The following NXPH1 variants were observed in gnomAD, a reference collection of about 807,000 sequenced individuals.
NXPH1 encodes neurexophilin 1.
A neutral mutation model predicts 23.7 loss-of-function variants in NXPH1; 5 were observed. The observed-to-expected ratio is 0.21, with a 90% CI of 0.11 to 0.44. The LOEUF (loss-of-function observed/expected upper bound fraction) is 0.44, where lower values mean the gene tolerates loss of function less well. Among genes scored for constraint, NXPH1 ranks in the 20% least tolerant of loss-of-function variants. NXPH1 has a pLI of 0.99. For missense variants in NXPH1, 324 were observed against 321.6 expected (o/e 1.01, Z -0.06); for synonymous variants, 144 against 122.2 (o/e 1.18, Z -1.18).
chr7:8,698,490 A>T (rs1456428223), intron 2 of NXPH1, among the ~76,000 whole-genome samples: 1 of 152,138 alleles, frequency 6.6e-6, no homozygotes, highest in Non-Finnish European at 1.5e-5. Flanking sequence ...CTGTGTTTGT[A>T]ATTGCTATCT....
chr7:8,461,562 G>A (rs1331989468), intron 2 of NXPH1, among the ~76,000 whole-genome samples: 1 of 152,004 alleles, frequency 6.6e-6, no homozygotes, highest in African/African-American at 2.4e-5. Context: ...CGGGCGCGGT[G>A]GCTCACGCCT....
intron 2 of NXPH1, among the ~76,000 whole-genome samples, chr7:8,668,256 G>GTTTTTTTTTTTTTTTTTTTTTGT (rs75899225): frequency 1.3e-5 from 1 of 79,898 alleles, no homozygotes. Context: ...ATGTCTCTTT[G>GTTTTTTTTTTTTTTTTTTTTTGT]TTTTTTTTTT....
intron 2 of NXPH1, among the ~76,000 whole-genome samples, chr7:8,538,297 C>T (rs1331215241): frequency 2.6e-5 from 4 of 151,884 alleles, no homozygotes; most frequent in Non-Finnish European, 4.4e-5. Context: ...CATTTTTCTT[C>T]TAGGCCCCTT....
intron 2 of NXPH1, among the ~76,000 whole-genome samples, chr7:8,564,620 G>A (rs938134507): frequency 6.6e-6 from 1 of 151,842 alleles, no homozygotes. Context: ...AATGGGAAGA[G>A]AAAATCAAGA....
intron 2 of NXPH1, among the ~76,000 whole-genome samples, chr7:8,544,102 A>T (rs1359453216): frequency 1.3e-5 from 2 of 151,636 alleles, no homozygotes; most frequent in African/African-American, 4.8e-5. Flanking sequence ...CTTACCAAGA[A>T]ATTTGCCCGG....
At chr7:8,603,000 G>C (rs576513591) in intron 2 of NXPH1, among the ~76,000 whole-genome samples, 1 of 152,056 alleles carries the variant, frequency 6.6e-6, no homozygotes, top group African/African-American at 2.4e-5. Flanking sequence ...TAGTAGAGAC[G>C]GGGTTTTACC....
chr7:8,708,020 A>G (rs1562460827), intron 2 of NXPH1, among the ~76,000 whole-genome samples: 1 of 152,122 alleles, frequency 6.6e-6, no homozygotes, highest in Non-Finnish European at 1.5e-5. Flanking sequence ...TTTAATATGC[A>G]CTCATATATA....
intron 2 of NXPH1, among the ~76,000 whole-genome samples, chr7:8,541,598 G>A (rs1818118078): frequency 6.6e-6 from 1 of 151,566 alleles, no homozygotes; most frequent in South Asian, 2.1e-4. Flanking sequence ...TGCCACATGG[G>A]TAAATAAAGA....
rs543987139 is a variant in NXPH1 at position 8,466,224 on chromosome 7, G to A, written c.54+30457G>A. ...TATTATCAGGAAGTTTGTTGAATGA[G>A]CTTTTGAATTTGCTTTGTTAAATCT... On this transcript the variant is annotated intron_variant, in intron 2 of 2. Coordinates refer to ENST00000405863, the MANE Select transcript of NXPH1 (RefSeq NM_152745.3). 2.4e-4 allele frequency among the ~76,000 whole-genome samples: 36 copies of A among 152,284 alleles called. No individual in the cohort carries two copies. The South Asian group carries it at 7.2e-3, about 31-fold the overall frequency.
intron 2 of NXPH1, among the ~76,000 whole-genome samples, chr7:8,738,831 G>A (rs1780309157): frequency 6.6e-6 from 1 of 152,162 alleles, no homozygotes; most frequent in African/African-American, 2.4e-5. Flanking sequence ...CCAGGGAGAA[G>A]GAATCTAGAG....
At chr7:8,650,657 C>G (rs1192372829) in intron 2 of NXPH1, among the ~76,000 whole-genome samples, 3 of 152,208 alleles carry the variant, frequency 2.0e-5, no homozygotes, top group Non-Finnish European at 4.4e-5. Flanking sequence ...CATGTGGCCT[C>G]TTGCTCAGTC....
chr7:8,724,403 C>G (rs1780016636), intron 2 of NXPH1, among the ~76,000 whole-genome samples: 1 of 152,198 alleles, frequency 6.6e-6, no homozygotes, highest in South Asian at 2.1e-4. Context: ...AGAGGAAAGT[C>G]TTCCCCAACG....
intron 2 of NXPH1, among the ~76,000 whole-genome samples, chr7:8,627,831 T>C (rs1459165200): frequency 6.6e-6 from 1 of 151,942 alleles, no homozygotes; most frequent in African/African-American, 2.4e-5. Context: ...ATTTCATCCA[T>C]AAAAGAAAGC....
intron 2 of NXPH1, among the ~76,000 whole-genome samples, chr7:8,735,746 A>G (rs1001794848): frequency 2.6e-5 from 4 of 152,092 alleles, no homozygotes; most frequent in African/African-American, 9.7e-5. Flanking sequence ...GTAGAATGCT[A>G]CTGTGAATTC....
At chr7:8,698,149 G>C (rs896130092) in intron 2 of NXPH1, among the ~76,000 whole-genome samples, 1 of 152,142 alleles carries the variant, frequency 6.6e-6, no homozygotes, top group Non-Finnish European at 1.5e-5. Flanking sequence ...AATACTGGAC[G>C]TCTTACAATG....
At chr7:8,711,720 G>C (rs1156721055) in intron 2 of NXPH1, among the ~76,000 whole-genome samples, 1 of 152,152 alleles carries the variant, frequency 6.6e-6, no homozygotes. Flanking sequence ...AGATGCTGCA[G>C]AATGAACAAG....
At chr7:8,497,349 T>C (rs935321128) in intron 2 of NXPH1, among the ~76,000 whole-genome samples, 7 of 152,226 alleles carry the variant, frequency 4.6e-5, no homozygotes, top group African/African-American at 1.7e-4. Context: ...TATAGCAGCA[T>C]GATTTATAAT....
rs957096459 is a variant in NXPH1, at chr7:8,661,732, G to T, written c.55-89276G>T. Among the ~76,000 whole-genome samples, 6 of 152,208 alleles carry T rather than the reference G, an allele frequency of 3.9e-5. No homozygotes were observed. The South Asian group carries it at 6.2e-4, about 16-fold the overall frequency. On this transcript the variant is annotated intron_variant, in intron 2 of 2. Coordinates refer to ENST00000405863, the MANE Select transcript of NXPH1 (RefSeq NM_152745.3). ...CCAAATCTGTAGAAATAACCAAGGGGAGATCAAAATTTTTCAAGTATAAAG... is the reference window on the plus strand; with the variant it reads ...CCAAATCTGTAGAAATAACCAAGGGTAGATCAAAATTTTTCAAGTATAAAG...
chr7:8,651,770 A>T (rs1820495328), intron 2 of NXPH1, among the ~76,000 whole-genome samples: 1 of 152,224 alleles, frequency 6.6e-6, no homozygotes, highest in Admixed American at 6.5e-5. Flanking sequence ...ACATTAAGAG[A>T]ATCATCAACT....
Sources: gnomAD v4.1 joint callset for allele counts (sites outside exome capture counted in the v4.1 genomes callset) on GRCh38, gnomAD v4.1.1 for gene constraint, MANE v1.5 for transcripts, NCBI Gene and HGNC (gene_info 2026-07-23, HGNC 2026-07-21) for gene names.